Variants in STEAP3 observed in about 807,000 individuals in gnomAD.
STEAP3 encodes metalloreductase STEAP3.
In STEAP3, 35 loss-of-function variants were observed where a neutral mutation model predicts 34.9. That is an observed-to-expected ratio of 1.00 (90% CI 0.76 to 1.33). The LOEUF (loss-of-function observed/expected upper bound fraction) is 1.33, where lower values mean the gene tolerates loss of function less well. Among genes scored for constraint, STEAP3 ranks in the 40% most tolerant of loss-of-function variants. The probability of loss-of-function intolerance (pLI) is 0.00; values close to 1 mark genes in which losing one functional copy is unlikely to be tolerated. For missense variants in STEAP3, 652 were observed against 667.6 expected, an observed-to-expected ratio of 0.98 and a Z score of 0.26; for synonymous variants, 281 against 301.6, an observed-to-expected ratio of 0.93 and a Z score of 0.71.
intron 3 of STEAP3, 68 bp downstream of exon 3, chr2:119,246,056 C>A (rs1677415925): frequency 1.3e-6 from 2 of 1,531,754 alleles, no homozygotes; most frequent in Admixed American, 1.9e-5. Flanking sequence ...TCGAGTGCTG[C>A]CAGCATGCTC....
Position 119,263,251 on chromosome 2 carries a change from G to T in STEAP3, c.1410G>T (p.Arg470Ser). The T allele has an allele frequency of 6.2e-7, 1 of 1,614,136 alleles. No homozygotes were observed. The highest frequency in any genetic ancestry group is 8.5e-7 in the Non-Finnish European group (1 of 1,180,028). Residue 470 changes from arginine to serine, a missense_variant, in exon 6 of 6, where the codon AGG becomes AGT. Arg to Ser is a moderately radical substitution (Grantham distance 110). Transcript: ENST00000393110. ...CCTGCATCAGCCGCAGACTCGCCAG[G>T]ATCCGGAGAGGCTGGGAGAGGGAGA... Reference protein sequence around the residue: ...LLPCISRRLARIRRGWEREST... With the variant: ...LLPCISRRLASIRRGWEREST...
Position 119,247,774 on chromosome 2 carries a change from G to A in STEAP3, c.618G>A (p.Ala206=), listed in dbSNP as rs756933197. The A allele has an allele frequency of 1.6e-5, 25 of 1,607,020 alleles. No individual in the cohort carries two copies. The highest frequency in any genetic ancestry group is 2.1e-5 in the Non-Finnish European group (25 of 1,178,214). Residue 206 remains alanine, a synonymous_variant, in exon 4 of 6, where the codon GCG becomes GCA. Transcript: ENST00000393110. The stretch of plus-strand genomic sequence containing the variant: ...TGCCCGTGGACATGGGATCCCTGGC[G>A]TCAGCCTGGGAGGTGGAGGCCATGC... The part of the protein sequence containing the change: ...GFMPVDMGSL[A]SAWEVEAMPL...
rs574281549 is a variant in STEAP3 at position 119,238,932 on chromosome 2, C to A, written c.23-6557C>A. On this transcript the variant is annotated intron_variant, in intron 2 of 5. Transcript: ENST00000393110. ...TGTGGGGTTCTGGGTGCATGTGGAA[C>A]AACACACAGCAATCTTGCCCTCCCA... Among the ~76,000 whole-genome samples the A allele has an allele frequency of 1.4e-3, 210 of 152,242 alleles. 1 individual carries two copies. Among genetic ancestry groups the A allele is most frequent in the African/African-American group, 4.8e-3 (201 of 41,542 alleles).
chr2:119,245,872 CGTGAG>C lies in STEAP3; in HGVS notation c.407_411del (p.Arg136LeufsTer4). On this transcript the variant is annotated frameshift_variant, in exon 3 of 6. Transcript: ENST00000393110. LOFTEE classifies it high-confidence loss of function. Reference sequence around the variant, plus strand: ...TACAGAGCAAGAGCACCTTCAGCATCGTGAGTCCAATGCTGAGTACCTGGCCTCCC... The same window carrying C: ...TACAGAGCAAGAGCACCTTCAGCATCTCCAATGCTGAGTACCTGGCCTCCC... The C allele has an allele frequency of 6.2e-7, 1 of 1,614,140 alleles. No homozygotes were observed. Among genetic ancestry groups the C allele is most frequent in the Middle Eastern group, 1.6e-4 (1 of 6,062 alleles).
chr2:119,230,950 G>T lies in STEAP3; in HGVS notation c.-63G>T. 6.2e-7 allele frequency: 1 copy of T among 1,606,880 alleles called. No homozygotes were observed. The highest frequency in any genetic ancestry group is 8.5e-7 in the Non-Finnish European group (1 of 1,173,418). On this transcript the variant is annotated 5_prime_UTR_variant, in exon 2 of 6. Coordinates refer to ENST00000393110, the MANE Select transcript of STEAP3 (RefSeq NM_182915.3). ...CTGGTTGGAGACTGAGCCAGAAAGG[G>T]TGGCTCACCTCACGGTGAGGCTGTC...
intron 4 of STEAP3, among the ~76,000 whole-genome samples, chr2:119,249,251 G>A (rs1677550384): frequency 6.6e-6 from 1 of 151,634 alleles, no homozygotes; most frequent in South Asian, 2.1e-4. Flanking sequence ...CCTGGGAAGT[G>A]GAGGACCTTC....
intron 2 of STEAP3, among the ~76,000 whole-genome samples, chr2:119,241,083 T>C (rs924487095): frequency 6.7e-6 from 1 of 149,122 alleles, no homozygotes; most frequent in African/African-American, 2.5e-5. Flanking sequence ...CACACACACA[T>C]GCATACAAGA....
chr2:119,255,405 T>A (rs1677746688), intron 5 of STEAP3, among the ~76,000 whole-genome samples: 1 of 152,086 alleles, frequency 6.6e-6, no homozygotes, highest in Admixed American at 6.6e-5. Context: ...GCCATTCCTA[T>A]GAAAAAATCC....
At chr2:119,234,613 T>C (rs369092365) in intron 2 of STEAP3, among the ~76,000 whole-genome samples, 2 of 152,224 alleles carry the variant, frequency 1.3e-5, no homozygotes, top group Admixed American at 1.3e-4. Flanking sequence ...CCCGGCGCCT[T>C]GCTTCATGCT....
intron 2 of STEAP3, among the ~76,000 whole-genome samples, chr2:119,241,824 A>C (rs1677255362): frequency 6.6e-6 from 1 of 152,220 alleles, no homozygotes; most frequent in South Asian, 2.1e-4. Context: ...TTCAACAAAA[A>C]TAGGACTCAA....
chr2:119,245,708 C>A lies in STEAP3; in HGVS notation c.242C>A (p.Ala81Glu), dbSNP rs144845547. 1.2e-6 allele frequency: 2 copies of A among 1,614,192 alleles called. No individual in the cohort carries two copies. Among genetic ancestry groups the A allele is most frequent in the South Asian group, 1.1e-5 (1 of 91,084 alleles). ...PKRTARLFPSAAQVTFQEEAV... is the reference protein window; with the variant it reads ...PKRTARLFPSEAQVTFQEEAV... The stretch of plus-strand genomic sequence containing the variant: ...CGCACAGCCAGGCTGTTTCCCTCAG[C>A]GGCCCAAGTGACTTTCCAAGAGGAG... The change falls in exon 3 of 6, where the codon GCG (alanine) becomes GAG (glutamate). Residue 81 changes from alanine (A) to glutamate (E), a missense_variant. Ala to Glu is a moderately radical substitution (Grantham distance 107, BLOSUM62 -1). Transcript: ENST00000393110.
At chr2:119,240,301 C>T (rs1236727964) in intron 2 of STEAP3, among the ~76,000 whole-genome samples, 2 of 152,260 alleles carry the variant, frequency 1.3e-5, no homozygotes, top group East Asian at 3.9e-4. Flanking sequence ...TCTCTCTTTG[C>T]TCAGTCAGTC....
intron 4 of STEAP3, among the ~76,000 whole-genome samples, chr2:119,249,328 C>T (rs1677552727): frequency 6.6e-6 from 1 of 152,146 alleles, no homozygotes; most frequent in Non-Finnish European, 1.5e-5. Context: ...GCCCCTGATG[C>T]TCCCTCCTGG....
intron 5 of STEAP3, 38 bp downstream of exon 5, chr2:119,254,886 G>A (rs1677732876): frequency 6.2e-7 from 1 of 1,600,172 alleles, no homozygotes; most frequent in South Asian, 1.1e-5. Flanking sequence ...GCTTCAGCGT[G>A]GCCCTGGCCC....
intron 2 of STEAP3, chr2:119,239,223 T>G (rs1033961305): frequency 6.6e-6 from 1 of 152,324 alleles, no homozygotes; most frequent in Admixed American, 6.5e-5. Context: ...TTTCCCTCTC[T>G]ACACGTTTTC....
Position 119,247,918 on chromosome 2 carries a change from G to T in STEAP3, c.762G>T (p.Gln254His). The stretch of plus-strand genomic sequence containing the variant: ...TGCAGCCCTATGTGCAGGAAAGCCA[G>T]AACAAGTTCTTCAAGCTGCCCGTGT... The part of the protein sequence containing the change: ...DVLQPYVQES[Q>H]NKFFKLPVSV... Residue 254 changes from glutamine to histidine, a missense_variant, in exon 4 of 6, where the codon CAG (glutamine) becomes CAT (histidine). Transcript: ENST00000393110. 6.2e-7 allele frequency: 1 copy of T among 1,613,864 alleles called. No homozygotes were observed.
intron 1 of STEAP3, among the ~76,000 whole-genome samples, chr2:119,227,280 T>C (rs1679069504): frequency 6.6e-6 from 1 of 152,184 alleles, no homozygotes; most frequent in Non-Finnish European, 1.5e-5. Context: ...TCAGGGCTGA[T>C]GGGCGACTGC....
In STEAP3 at chr2:119,253,642, G is replaced by A. The variant is rs570901941; in HGVS notation, c.1051-1042G>A. On this transcript the variant is annotated intron_variant, in intron 4 of 5. Coordinates refer to ENST00000393110, the MANE Select transcript of STEAP3 (RefSeq NM_182915.3). Reference sequence around the variant, plus strand: ...CACAGTGTTTCACAGAGAACACCTTGACTTCCAGGAACTCTGCTACCCGGT... The same window carrying A: ...CACAGTGTTTCACAGAGAACACCTTAACTTCCAGGAACTCTGCTACCCGGT... 3.9e-5 allele frequency among the ~76,000 whole-genome samples: 6 copies of A among 152,306 alleles called. No individual in the cohort carries two copies. The South Asian group carries it at 1.2e-3, about 32-fold the overall frequency.
chr2:119,235,232 CCTT>C (rs778681914), intron 2 of STEAP3, among the ~76,000 whole-genome samples: 11 of 152,178 alleles, frequency 7.2e-5, no homozygotes, highest in Non-Finnish European at 1.5e-4. Flanking sequence ...ACTCTGATTG[CCTT>C]CTTCTCACCT....
Sources: gnomAD v4.1 joint callset for allele counts (sites outside exome capture counted in the v4.1 genomes callset) on GRCh38, gnomAD v4.1.1 for gene constraint, MANE v1.5 for transcripts, NCBI Gene and HGNC (gene_info 2026-07-23, HGNC 2026-07-21) for gene names.